The following OGDH variants were observed in gnomAD, a reference collection of about 807,000 sequenced individuals.
OGDH encodes oxoglutarate dehydrogenase.
In OGDH, 38 loss-of-function variants were observed where a neutral mutation model predicts 116.6. The observed-to-expected ratio is 0.33, with a 90% CI of 0.25 to 0.43. The LOEUF (loss-of-function observed/expected upper bound fraction) is 0.43. Ranked by LOEUF, OGDH falls within the 20% of genes least tolerant of loss-of-function variation. The pLI, the probability that OGDH is intolerant of heterozygous loss-of-function variation, is 1.00. For missense variants in OGDH, 825 were observed against 1,357.2 expected (o/e 0.61, Z 6.16); for synonymous variants, 488 against 533.3 (o/e 0.92, Z 1.17).
At chr7:44,671,427 A>G (rs902996612) in intron 5 of OGDH, among the ~76,000 whole-genome samples, 1 of 152,156 alleles carries the variant, frequency 6.6e-6, no homozygotes, top group Non-Finnish European at 1.5e-5. Flanking sequence ...TTGGGGATCA[A>G]ATTTCATCAG....
intron 10 of OGDH, among the ~76,000 whole-genome samples, chr7:44,685,569 C>T (rs1350223107): frequency 6.6e-6 from 1 of 152,028 alleles, no homozygotes; most frequent in Non-Finnish European, 1.5e-5. Flanking sequence ...AATAATGCTG[C>T]TATGATGCTA....
chr7:44,621,069 TTTTG>T (rs893930247), intron 1 of OGDH, among the ~76,000 whole-genome samples: 2 of 152,152 alleles, frequency 1.3e-5, no homozygotes, highest in Non-Finnish European at 2.9e-5. Flanking sequence ...ATTTAATATA[TTTTG>T]TTTGTTTGTT....
At chr7:44,626,233 T>C (rs2117303715) in intron 2 of OGDH, among the ~76,000 whole-genome samples, 1 of 143,790 alleles carries the variant, frequency 7.0e-6, no homozygotes, top group Non-Finnish European at 1.6e-5. Flanking sequence ...GGCCCCTGCT[T>C]TTGATGTGAT....
intron 1 of OGDH, among the ~76,000 whole-genome samples, chr7:44,615,306 G>T (rs1041320865): frequency 6.6e-5 from 10 of 152,130 alleles, no homozygotes; most frequent in African/African-American, 2.2e-4. Flanking sequence ...TGGGGGGAGG[G>T]ATTCCTTGTT....
chr7:44,683,863 A>G (rs1397530234), intron 10 of OGDH, among the ~76,000 whole-genome samples: 1 of 152,154 alleles, frequency 6.6e-6, no homozygotes, highest in Non-Finnish European at 1.5e-5. Flanking sequence ...ATGCGTGTGA[A>G]GTTTCCATAA....
Position 44,707,480 on chromosome 7 carries a change from C to T in OGDH, c.2796+92C>T, listed in dbSNP as rs1017727330. 6.3e-7 allele frequency: 1 copy of T among 1,594,106 alleles called. No individual in the cohort carries two copies. The highest frequency in any genetic ancestry group is 1.1e-5 in the South Asian group (1 of 88,652). On this transcript the variant is annotated intron_variant, in intron 21 of 22. Transcript: ENST00000222673. This position sits in a 1 kb window ranked among gnomAD's most constrained non-coding sequence, Gnocchi z 5.2. ...ACAGCCTTGCTTGGGGTGTGGCCCT[C>T]AGGTTCCTGACCTTCCCTGCTCGGA...
At chr7:44,676,407 T>C in intron 9 of OGDH, 1 of 660,622 alleles carries the variant, frequency 1.5e-6, no homozygotes. Context: ...AATACAAAAT[T>C]AGCTGGGCGT....
At chr7:44,668,455 C>G (rs573124789) in intron 5 of OGDH, among the ~76,000 whole-genome samples, 1 of 150,852 alleles carries the variant, frequency 6.6e-6, no homozygotes, top group Non-Finnish European at 1.5e-5. Flanking sequence ...CAAAAAAAAA[C>G]TGAGTGTCCA....
intron 4 of OGDH, among the ~76,000 whole-genome samples, chr7:44,648,909 A>G (rs1033314845): frequency 2.0e-5 from 3 of 152,060 alleles, no homozygotes; most frequent in African/African-American, 4.8e-5. Context: ...CGTGGTGACA[A>G]CTTTGTGCTC....
intron 2 of OGDH, among the ~76,000 whole-genome samples, chr7:44,640,484 A>G (rs1785882213): frequency 6.6e-6 from 1 of 151,974 alleles, no homozygotes; most frequent in South Asian, 2.1e-4. Context: ...TTGTTATTCA[A>G]AGCTAATTTT....
intron 2 of OGDH, among the ~76,000 whole-genome samples, chr7:44,627,187 G>A (rs886171987): frequency 4.6e-5 from 7 of 152,150 alleles, no homozygotes; most frequent in African/African-American, 1.7e-4. Context: ...AGTAGAGACG[G>A]GGTTTCACCA....
intron 2 of OGDH, among the ~76,000 whole-genome samples, chr7:44,629,196 G>A (rs114515570): frequency 9.3e-4 from 141 of 152,346 alleles, no homozygotes; most frequent in African/African-American, 3.2e-3. Context: ...GCCCCCATGA[G>A]TCTGGGTGTT....
At chr7:44,632,047 C>G (rs577248467) in intron 2 of OGDH, among the ~76,000 whole-genome samples, 1 of 152,098 alleles carries the variant, frequency 6.6e-6, no homozygotes, top group Non-Finnish European at 1.5e-5. Context: ...CAAGAAAAAA[C>G]CAAAAATTTG....
At chr7:44,624,290 T>G in intron 1 of OGDH, 27 bp from the exon 2 acceptor site, 1 of 1,284,436 alleles carries the variant, frequency 7.8e-7, no homozygotes, top group Non-Finnish European at 1.1e-6. Context: ...CTTTCTTTCT[T>G]GTTTTTTTTT....
At position 44,672,637 on chromosome 7, in the gene OGDH, G is replaced by GTTTTTT. The variant is rs1175741464; in HGVS notation, c.634-1149_634-1144dup. On this transcript the variant is annotated intron_variant, in intron 5 of 22. Coordinates refer to ENST00000222673, the MANE Select transcript of OGDH (RefSeq NM_002541.4). ...GGCAGCCCGAGAGGGATTTCTTTTT[G>GTTTTTT]TTTTTTGTTTTTTTTTTTTTTTTGA... is the stretch of plus-strand genomic sequence containing the variant. Among the ~76,000 whole-genome samples, 11 of 135,844 alleles carry GTTTTTT rather than the reference G, an allele frequency of 8.1e-5. 1 individual carries two copies. Among genetic ancestry groups the GTTTTTT allele is most frequent in the African/African-American group, 2.7e-4 (9 of 33,178 alleles). The allele number at this position is 135,844 out of a possible 152,430, so 89.1% of individuals were successfully genotyped here. A position where few individuals can be genotyped will look rare whatever the true frequency, so the allele number is the denominator to read the frequency against.
intron 20 of OGDH, among the ~76,000 whole-genome samples, chr7:44,705,555 TTG>T (rs1789034829): frequency 6.6e-6 from 1 of 152,154 alleles, no homozygotes; most frequent in Non-Finnish European, 1.5e-5. Context: ...TATTTTTTGT[TTG>T]TGTTTTTTTG....
intron 2 of OGDH, among the ~76,000 whole-genome samples, chr7:44,641,189 C>A (rs1248986267): frequency 2.0e-5 from 3 of 150,130 alleles, no homozygotes; most frequent in Non-Finnish European, 4.4e-5. Context: ...GCATGAGCCA[C>A]CAAGCCCAGC....
intron 1 of OGDH, among the ~76,000 whole-genome samples, chr7:44,614,305 T>G (rs887558712): frequency 1.3e-5 from 2 of 150,316 alleles, no homozygotes; most frequent in South Asian, 2.1e-4. Context: ...TTTTTTTTGT[T>G]TTTTTTGTTT....
intron 3 of OGDH, 155 bp from the exon 4 acceptor site, chr7:44,647,502 A>G (rs1384652251): frequency 6.5e-7 from 1 of 1,541,148 alleles, no homozygotes; most frequent in Admixed American, 2.0e-5. Context: ...GTAAATTTTG[A>G]TGATGCTCCA....
Sources: allele counts gnomAD v4.1 joint callset (sites outside exome capture counted in the v4.1 genomes callset), GRCh38; gene constraint gnomAD v4.1.1; non-coding constraint Gnocchi (gnomAD v3.1); transcripts MANE v1.5; gene names NCBI Gene and HGNC (gene_info 2026-07-23, HGNC 2026-07-21).